The following DNAH14 variants were observed in gnomAD, a reference collection of about 807,000 sequenced individuals.
DNAH14 encodes axonemal beta dynein heavy chain 14.
A neutral mutation model predicts 520.9 loss-of-function variants in DNAH14; 478 were observed. The ratio of observed to expected loss-of-function variants is 0.92; its 90% CI spans 0.85 to 0.99. The LOEUF is 0.99. Among genes scored for constraint, DNAH14 ranks in the 50% least tolerant of loss-of-function variants. The pLI, the probability that DNAH14 is intolerant of heterozygous loss-of-function variation, is 0.00. For missense variants in DNAH14, 4,831 were observed against 5,234.5 expected (o/e 0.92, Z 2.38); for synonymous variants, 1,581 against 1,757.2 (o/e 0.90, Z 2.51).
chr1:225,273,023 T>C lies in DNAH14; in HGVS notation c.7908T>C (p.Phe2636=), dbSNP rs781457813. The C allele has an allele frequency of 5.0e-5, 77 of 1,551,586 alleles. No individual in the cohort carries two copies. In the South Asian group the frequency reaches 8.6e-4, roughly 17 times the overall value. The part of the protein sequence containing the change: ...VNSKEMAALL[F]VHEATRVFHD... The stretch of plus-strand genomic sequence containing the variant: ...CCAAAGAGATGGCTGCTCTGCTCTT[T>C]GTTCATGAAGCCACCCGAGTATTTC... The change falls in exon 52 of 86, where the codon TTT becomes TTC. Residue 2636 remains phenylalanine, a synonymous_variant. Coordinates refer to ENST00000682510, the MANE Select transcript of DNAH14 (RefSeq NM_001367479.1).
At position 225,398,701 on chromosome 1, in the gene DNAH14, C is replaced by T. The variant is rs139365348; in HGVS notation, c.13638+35C>T. On this transcript the variant is annotated intron_variant, in intron 85 of 85. Coordinates refer to ENST00000682510, the MANE Select transcript of DNAH14 (RefSeq NM_001367479.1). ...CTGCTATTATCCTGAAGTCCTAAACCTCTGAGCGTTGCTTCAGTAATATAC... is the reference window on the plus strand; with the variant it reads ...CTGCTATTATCCTGAAGTCCTAAACTTCTGAGCGTTGCTTCAGTAATATAC... The T allele has an allele frequency of 1.4e-4, 216 of 1,547,264 alleles. No homozygotes were observed. The African/African-American group carries it at 2.5e-3, about 18-fold the overall frequency.
chr1:225,243,829 A>G (rs2092115618), intron 43 of DNAH14, among the ~76,000 whole-genome samples: 1 of 151,690 alleles, frequency 6.6e-6, no homozygotes, highest in Non-Finnish European at 1.5e-5. Flanking sequence ...CTATCTTCAT[A>G]CCCTTTATTT....
chr1:225,234,101 T>C (rs1461298990), intron 42 of DNAH14, among the ~76,000 whole-genome samples: 1 of 152,216 alleles, frequency 6.6e-6, no homozygotes, highest in East Asian at 1.9e-4. Flanking sequence ...TGGTTGTAGA[T>C]GTACAATCTT....
intron 8 of DNAH14, among the ~76,000 whole-genome samples, chr1:224,984,256 G>T (rs927241977): frequency 6.6e-6 from 1 of 152,140 alleles, no homozygotes; most frequent in Non-Finnish European, 1.5e-5. Flanking sequence ...ACAGTCAACT[G>T]ATCTTTGACA....
At chr1:225,143,603 G>C (rs529835297) in intron 28 of DNAH14, among the ~76,000 whole-genome samples, 1 of 152,202 alleles carries the variant, frequency 6.6e-6, no homozygotes, top group East Asian at 1.9e-4. Context: ...TAAGAGCTTT[G>C]ATGACTAAAT....
intron 23 of DNAH14, among the ~76,000 whole-genome samples, chr1:225,102,589 G>A (rs2075604188): frequency 6.6e-6 from 1 of 152,158 alleles, no homozygotes; most frequent in African/African-American, 2.4e-5. Flanking sequence ...CATTCTAACT[G>A]GTGTGAGATG....
At chr1:225,312,451 G>A (rs1030789298) in intron 60 of DNAH14, among the ~76,000 whole-genome samples, 4 of 152,116 alleles carry the variant, frequency 2.6e-5, no homozygotes, top group Non-Finnish European at 5.9e-5. Flanking sequence ...TCTCTCGCCT[G>A]ATTGTCCTGG....
chr1:225,370,512 C>A (rs1352316877), intron 77 of DNAH14, among the ~76,000 whole-genome samples: 1 of 151,768 alleles, frequency 6.6e-6, no homozygotes, highest in Non-Finnish European at 1.5e-5. Flanking sequence ...AGAGTGACAC[C>A]CTGTCTCAAA....
At chr1:225,186,368 A>G (rs1169859849) in intron 37 of DNAH14, among the ~76,000 whole-genome samples, 1 of 151,818 alleles carries the variant, frequency 6.6e-6, no homozygotes, top group Non-Finnish European at 1.5e-5. Context: ...TAAGAGGTGA[A>G]TTATCACAGC....
chr1:225,347,428 G>A (rs1419422678), intron 71 of DNAH14, among the ~76,000 whole-genome samples: 2 of 152,080 alleles, frequency 1.3e-5, no homozygotes, highest in African/African-American at 4.8e-5. Flanking sequence ...GTATAATGTG[G>A]AACAACTGAC....
At chr1:225,353,430 A>G (rs2095393632) in intron 72 of DNAH14, among the ~76,000 whole-genome samples, 1 of 152,266 alleles carries the variant, frequency 6.6e-6, no homozygotes, top group Admixed American at 6.5e-5. Flanking sequence ...CAACCTCTAC[A>G]CTTACTAGTT....
intron 23 of DNAH14, among the ~76,000 whole-genome samples, chr1:225,107,093 A>T (rs1406878848): frequency 6.6e-6 from 1 of 152,104 alleles, no homozygotes; most frequent in Non-Finnish European, 1.5e-5. Flanking sequence ...TTTCCTTCTA[A>T]CAGTCAGGAC....
intron 11 of DNAH14, among the ~76,000 whole-genome samples, chr1:225,034,796 T>C (rs1276307462): frequency 3.3e-5 from 5 of 152,134 alleles, no homozygotes; most frequent in Non-Finnish European, 5.9e-5. Flanking sequence ...CCTGGCTCAG[T>C]CTTGTGAGGG....
chr1:224,998,138 C>T (rs1464997767), intron 8 of DNAH14, among the ~76,000 whole-genome samples: 1 of 152,128 alleles, frequency 6.6e-6, no homozygotes, highest in Non-Finnish European at 1.5e-5. Context: ...TTGATATCCC[C>T]TATTTCATTC....
chr1:225,095,419 G>T (rs1156596927), intron 21 of DNAH14, among the ~76,000 whole-genome samples: 1 of 152,094 alleles, frequency 6.6e-6, no homozygotes, highest in Non-Finnish European at 1.5e-5. Context: ...AATATTGCAT[G>T]TTCTCACTCA....
chr1:225,346,669 C>G lies in DNAH14; in HGVS notation c.11296+15C>G. ...TAGACTTACTAGTAAGTAAAAGTTA[C>G]TATTCCGGATTCAGTAAAAGTCCAT... On this transcript the variant is annotated intron_variant, in intron 71 of 85. Transcript: ENST00000682510. The G allele has an allele frequency of 3.3e-6, 5 of 1,521,276 alleles. No individual in the cohort carries two copies. Among genetic ancestry groups the G allele is most frequent in the Non-Finnish European group, 4.4e-6 (5 of 1,129,466 alleles). 94.2% of individuals were successfully genotyped at this position (1,521,276 alleles called of 1,614,324 possible).
intron 23 of DNAH14, among the ~76,000 whole-genome samples, chr1:225,111,159 A>G (rs2076447204): frequency 6.6e-6 from 1 of 152,026 alleles, no homozygotes; most frequent in South Asian, 2.1e-4. Context: ...GATTAATTCC[A>G]ATGTTTCTTT....
chr1:225,321,763 G>A (rs1032717960), intron 61 of DNAH14, among the ~76,000 whole-genome samples: 2 of 152,142 alleles, frequency 1.3e-5, no homozygotes, highest in Admixed American at 6.5e-5. Flanking sequence ...TGAAGAGACC[G>A]CCTCCAATGT....
intron 54 of DNAH14, among the ~76,000 whole-genome samples, chr1:225,281,852 C>T (rs1196736824): frequency 1.3e-5 from 2 of 151,934 alleles, no homozygotes; most frequent in Non-Finnish European, 2.9e-5. Flanking sequence ...TAATGTAATT[C>T]TGTTATGCAA....
Sources: allele counts gnomAD v4.1 joint callset (sites outside exome capture counted in the v4.1 genomes callset), GRCh38; gene constraint gnomAD v4.1.1; transcripts MANE v1.5; gene names NCBI Gene and HGNC (gene_info 2026-07-23, HGNC 2026-07-21).